The following ARID1B variants were observed in gnomAD, a reference collection of about 807,000 sequenced individuals.
ARID1B encodes the protein AT-rich interaction domain 1B.
In ARID1B, 30 loss-of-function variants were observed where a neutral mutation model predicts 212.3. That is an observed-to-expected ratio of 0.14 (90% confidence interval 0.11 to 0.19). The LOEUF is 0.19. ARID1B is among the 10% of genes least tolerant of loss of function. ARID1B has a pLI of 1.00. For synonymous variants in ARID1B, 1,402 were observed against 1,301.7 expected (o/e 1.08, Z -1.66); for missense variants, 2,891 against 3,204.0 (o/e 0.90, Z 2.36).
In ARID1B at chr6:156,998,503, G is replaced by A. The variant is rs372147705; in HGVS notation, c.2247+62927G>A. ...CTCCCAAAGTGCTGGGATTACAGGC[G>A]TGAGCCACCGCGCCTGGCTCTTGTT... On this transcript the variant is annotated intron_variant, in intron 4 of 19. Coordinates refer to ENST00000636930, the MANE Select transcript of ARID1B (RefSeq NM_001374828.1). 2.7e-3 allele frequency among the ~76,000 whole-genome samples: 416 copies of A among 152,288 alleles called. 1 individual carries two copies. Among genetic ancestry groups the A allele is most frequent in the Non-Finnish European group, 4.6e-3 (312 of 68,030 alleles).
intron 1 of ARID1B, among the ~76,000 whole-genome samples, chr6:156,800,582 C>T (rs1044480550): frequency 6.6e-6 from 1 of 151,990 alleles, no homozygotes; most frequent in African/African-American, 2.4e-5. Context: ...GAGCAATACT[C>T]CATCTCAAAA....
At chr6:157,073,961 T>C (rs941278773) in intron 4 of ARID1B, among the ~76,000 whole-genome samples, 3 of 152,194 alleles carry the variant, frequency 2.0e-5, no homozygotes, top group African/African-American at 7.2e-5. Context: ...AGGGTTTGAC[T>C]GTGGCTCAGG....
intron 4 of ARID1B, chr6:157,023,775 G>C (rs1356017991): frequency 6.6e-6 from 1 of 152,102 alleles, no homozygotes; most frequent in Non-Finnish European, 1.5e-5. Flanking sequence ...CCAAGTTTAC[G>C]GCAAATTTTG....
intron 7 of ARID1B, among the ~76,000 whole-genome samples, chr6:157,139,727 A>T (rs530948611): frequency 9.7e-4 from 141 of 145,590 alleles, no homozygotes; most frequent in African/African-American, 2.4e-3. Flanking sequence ...TATAATTATT[A>T]TTTTTTTTTT....
chr6:156,965,453 C>G (rs1583041337), intron 4 of ARID1B, among the ~76,000 whole-genome samples: 2 of 152,204 alleles, frequency 1.3e-5, no homozygotes, highest in Non-Finnish European at 2.9e-5. Context: ...AGAAAAGTCA[C>G]TGTTTGTTAT....
In ARID1B at chr6:156,872,327, T is replaced by G. The variant is rs143107648; in HGVS notation, c.1987-29049T>G. Among the ~76,000 whole-genome samples, 456 of 152,290 alleles carry G rather than the reference T, an allele frequency of 3.0e-3. 1 individual carries two copies. The highest frequency in any genetic ancestry group is 0.01 in the African/African-American group (434 of 41,562). ...GTCAGTTTAATCCATTGTTTTTGTTTGTTTGTTTTTTGAGAAGGAGTTTTG... is the reference window on the plus strand; with the variant it reads ...GTCAGTTTAATCCATTGTTTTTGTTGGTTTGTTTTTTGAGAAGGAGTTTTG... On this transcript the variant is annotated intron_variant, in intron 2 of 19. Transcript: ENST00000636930.
intron 3 of ARID1B, among the ~76,000 whole-genome samples, chr6:156,934,552 A>G (rs571512102): frequency 3.3e-5 from 5 of 152,248 alleles, no homozygotes; most frequent in South Asian, 4.1e-4. Flanking sequence ...ACTATGCCCC[A>G]TGAACATATG....
intron 6 of ARID1B, among the ~76,000 whole-genome samples, chr6:157,114,560 A>G (rs1182150601): frequency 2.0e-5 from 3 of 147,878 alleles, no homozygotes; most frequent in Non-Finnish European, 4.5e-5. Context: ...AAGGTATATC[A>G]TGGAAACCAT....
chr6:157,039,541 A>G (rs1781585567), intron 4 of ARID1B, among the ~76,000 whole-genome samples: 1 of 151,980 alleles, frequency 6.6e-6, no homozygotes, highest in South Asian at 2.1e-4. Context: ...CTTGTTACCC[A>G]GGATGGGACA....
chr6:157,155,718 T>C (rs960515298), intron 8 of ARID1B, among the ~76,000 whole-genome samples: 2 of 152,132 alleles, frequency 1.3e-5, no homozygotes, highest in African/African-American at 2.4e-5. Context: ...ACAGGGTGAA[T>C]AAATTCCATA....
chr6:157,188,623 G>A (rs1036965582), intron 13 of ARID1B, among the ~76,000 whole-genome samples: 1 of 152,120 alleles, frequency 6.6e-6, no homozygotes, highest in Non-Finnish European at 1.5e-5. Flanking sequence ...TTTGTTCGGG[G>A]GGTTCTGCAC....
chr6:156,911,712 C>G (rs1789907505), intron 3 of ARID1B, among the ~76,000 whole-genome samples: 1 of 152,178 alleles, frequency 6.6e-6, no homozygotes, highest in Non-Finnish European at 1.5e-5. Flanking sequence ...AGTAAATGCT[C>G]AGGCACTTCT....
At chr6:156,799,016 A>G (rs1011982182) in intron 1 of ARID1B, among the ~76,000 whole-genome samples, 1 of 152,328 alleles carries the variant, frequency 6.6e-6, no homozygotes. Flanking sequence ...ATTTCCTACC[A>G]TATATTTATA....
chr6:157,098,796 A>T (rs1350379578), intron 5 of ARID1B, among the ~76,000 whole-genome samples: 1 of 152,098 alleles, frequency 6.6e-6, no homozygotes, highest in Non-Finnish European at 1.5e-5. Flanking sequence ...GTGCAGTGGG[A>T]CCCAGGCTGA....
chr6:157,112,663 C>T lies in ARID1B; in HGVS notation c.2581+2102C>T, dbSNP rs550828817. Among the ~76,000 whole-genome samples, 5 of 152,228 alleles carry T rather than the reference C, an allele frequency of 3.3e-5. No individual in the cohort carries two copies. The South Asian group carries it at 8.3e-4, about 25-fold the overall frequency. ...CTTTCCCAGCCCTTTCCAACAGATA[C>T]GTGTTTGGGAAATTGGGCAATGTAG... On this transcript the variant is annotated intron_variant, in intron 6 of 19. Transcript: ENST00000636930.
chr6:156,969,982 C>T (rs1406392726), intron 4 of ARID1B, among the ~76,000 whole-genome samples: 1 of 143,566 alleles, frequency 7.0e-6, no homozygotes, highest in Non-Finnish European at 1.5e-5. Flanking sequence ...TTTACCTTTT[C>T]TGTGTCAATT....
At chr6:157,123,180 TTCTC>T (rs946950386) in intron 6 of ARID1B, among the ~76,000 whole-genome samples, 21 of 146,376 alleles carry the variant, frequency 1.4e-4, no homozygotes, top group Non-Finnish European at 3.0e-5. Flanking sequence ...TTTGAGATCT[TTCTC>T]TGTCTCTGTC....
chr6:157,085,276 T>C (rs1469112426), intron 5 of ARID1B, among the ~76,000 whole-genome samples: 2 of 152,240 alleles, frequency 1.3e-5, no homozygotes, highest in Non-Finnish European at 2.9e-5. Context: ...CTTATTTTTT[T>C]GTGGTTCTAT....
rs562603957 is a variant in ARID1B, at chr6:156,851,692, T to TAATTCAA, written c.1986+22273_1986+22274insTTCAAAA. Among the ~76,000 whole-genome samples, 60 of 152,402 alleles carry TAATTCAA rather than the reference T, an allele frequency of 3.9e-4. 2 individuals carry two copies. In the South Asian group the frequency reaches 0.012, roughly 30 times the overall value. On this transcript the variant is annotated intron_variant, in intron 2 of 19. Coordinates refer to ENST00000636930, the MANE Select transcript of ARID1B (RefSeq NM_001374828.1). ...ATTACTATTTCTGCATTCAAATGACTAAGTACAGTAAACTTTTTACTGGCA... is the reference window on the plus strand; with the variant it reads ...ATTACTATTTCTGCATTCAAATGACTAATTCAAAAGTACAGTAAACTTTTTACTGGCA...
Sources: allele counts gnomAD v4.1 joint callset (sites outside exome capture counted in the v4.1 genomes callset), GRCh38; gene constraint gnomAD v4.1.1; transcripts MANE v1.5; gene names NCBI Gene and HGNC (gene_info 2026-07-23, HGNC 2026-07-21).